DPP10: variants seen among roughly 807,000 people sequenced by gnomAD.
The protein encoded by DPP10 is dipeptidyl peptidase like 10.
A neutral mutation model predicts 120.9 loss-of-function variants in DPP10; 33 were observed. The ratio of observed to expected loss-of-function variants is 0.27; its 90% confidence interval spans 0.21 to 0.37. The LOEUF is 0.37. DPP10 is among the 10% of genes least tolerant of loss of function. The pLI, the probability that DPP10 is intolerant of heterozygous loss-of-function variation, is 1.00. For synonymous variants in DPP10, 337 were observed against 326.1 expected (o/e 1.03, Z -0.36); for missense variants, 816 against 942.8 (o/e 0.87, Z 1.76).
intron 1 of DPP10, among the ~76,000 whole-genome samples, chr2:114,767,288 T>C (rs1680816983): frequency 7.1e-6 from 1 of 140,832 alleles, no homozygotes; most frequent in East Asian, 2.0e-4. Context: ...AATAAAGATA[T>C]ATAATATATA....
At chr2:114,890,006 T>G (rs998429) in intron 1 of DPP10, among the ~76,000 whole-genome samples, 31,029 of 152,168 alleles carry the variant, frequency 0.2, 3,688 homozygotes, top group Middle Eastern at 0.33. Flanking sequence ...GTGTCGAAAT[T>G]TGTAGCAGTT....
intron 1 of DPP10, among the ~76,000 whole-genome samples, chr2:115,188,153 G>C (rs1229406511): frequency 4.6e-5 from 7 of 152,156 alleles, no homozygotes; most frequent in Admixed American, 2.6e-4. Flanking sequence ...ATCAAGGAAG[G>C]AGGAAGACTA....
chr2:115,828,579 AT>A (rs1187498996), intron 21 of DPP10, among the ~76,000 whole-genome samples: 1 of 151,906 alleles, frequency 6.6e-6, no homozygotes, highest in Non-Finnish European at 1.5e-5. Context: ...TGTATGTTCC[AT>A]TTCAGATAGT....
intron 1 of DPP10, among the ~76,000 whole-genome samples, chr2:114,722,547 C>T (rs186978192): frequency 0.017 from 2,532 of 151,920 alleles, 38 homozygotes; most frequent in Non-Finnish European, 0.025. Flanking sequence ...GAGGCCGAGG[C>T]GGGTGGATCA....
intron 3 of DPP10, among the ~76,000 whole-genome samples, chr2:115,419,605 A>T (rs2069751765): frequency 6.6e-6 from 1 of 152,156 alleles, no homozygotes; most frequent in Admixed American, 6.6e-5. Context: ...TGAGACTTGG[A>T]GGGGACAAAA....
chr2:115,317,637 T>C (rs374697830), intron 2 of DPP10, among the ~76,000 whole-genome samples: 10 of 152,086 alleles, frequency 6.6e-5, no homozygotes, highest in East Asian at 3.9e-4. Context: ...CTTTTCTTTT[T>C]TTTTTTTTTC....
At chr2:115,827,444 AT>A (rs1559209911) in intron 21 of DPP10, among the ~76,000 whole-genome samples, 21 of 141,330 alleles carry the variant, frequency 1.5e-4, no homozygotes, top group African/African-American at 5.3e-4. Context: ...ATATATATAT[AT>A]ATGCTCTACA....
chr2:114,521,658 A>C lies in DPP10; in HGVS notation c.60+78820A>C, dbSNP rs533874572. ...AAAAAAGGTCTATTGTGTTTTAGGA[A>C]AATTTTATGTGAAACATCTCCTGAT... On this transcript the variant is annotated intron_variant, in intron 1 of 25. Coordinates refer to ENST00000410059, the MANE Select transcript of DPP10 (RefSeq NM_020868.6). Among the ~76,000 whole-genome samples the C allele has an allele frequency of 2.7e-3, 406 of 152,298 alleles. 1 individual carries two copies. The highest frequency in any genetic ancestry group is 4.0e-3 in the Non-Finnish European group (274 of 68,016).
intron 3 of DPP10, among the ~76,000 whole-genome samples, chr2:115,428,481 G>A (rs1054126725): frequency 1.3e-5 from 2 of 152,140 alleles, no homozygotes; most frequent in Admixed American, 1.3e-4. Flanking sequence ...GCCTCAGGCA[G>A]CTTTTACTCA....
At chr2:114,800,062 T>G (rs1021304897) in intron 1 of DPP10, among the ~76,000 whole-genome samples, 16 of 152,176 alleles carry the variant, frequency 1.1e-4, no homozygotes, top group Admixed American at 7.2e-4. Context: ...TGTAGGTACT[T>G]TAGTTGTTTA....
At chr2:115,531,716 A>G (rs2078476515) in intron 5 of DPP10, among the ~76,000 whole-genome samples, 1 of 152,148 alleles carries the variant, frequency 6.6e-6, no homozygotes, top group African/African-American at 2.4e-5. Flanking sequence ...CTATGAAGAT[A>G]GCTTGAACTT....
chr2:115,802,379 C>A (rs888080599), intron 19 of DPP10, among the ~76,000 whole-genome samples: 2 of 152,210 alleles, frequency 1.3e-5, no homozygotes, highest in African/African-American at 4.8e-5. Flanking sequence ...TTCAAAAAAC[C>A]AGCTTCTGGA....
chr2:114,979,604 A>G (rs1172320110), intron 1 of DPP10, among the ~76,000 whole-genome samples: 1 of 152,092 alleles, frequency 6.6e-6, no homozygotes, highest in Non-Finnish European at 1.5e-5. Context: ...ATAATCTTAT[A>G]TTTTGAAAAC....
chr2:114,858,202 C>T (rs972272811), intron 1 of DPP10, among the ~76,000 whole-genome samples: 2 of 152,122 alleles, frequency 1.3e-5, no homozygotes, highest in Non-Finnish European at 2.9e-5. Flanking sequence ...GTTGCCCAGG[C>T]TGGTCTCGAA....
chr2:114,697,001 T>C (rs983596455), intron 1 of DPP10, among the ~76,000 whole-genome samples: 6 of 152,076 alleles, frequency 3.9e-5, no homozygotes, highest in African/African-American at 7.2e-5. Flanking sequence ...AATCCAGATG[T>C]CTGTCATATT....
At chr2:115,315,395 C>A (rs1001942764) in intron 2 of DPP10, among the ~76,000 whole-genome samples, 3 of 151,942 alleles carry the variant, frequency 2.0e-5, no homozygotes, top group Admixed American at 1.3e-4. Flanking sequence ...TGCAAAAACT[C>A]AAAGTGAATT....
chr2:115,011,309 G>A (rs916078229), intron 1 of DPP10, among the ~76,000 whole-genome samples: 18 of 152,234 alleles, frequency 1.2e-4, no homozygotes, highest in Admixed American at 3.3e-4. Flanking sequence ...TTATGTTGTC[G>A]TTTACCTCTT....
chr2:115,607,181 A>T (rs2083757124), intron 5 of DPP10, among the ~76,000 whole-genome samples: 1 of 152,228 alleles, frequency 6.6e-6, no homozygotes, highest in African/African-American at 2.4e-5. Context: ...AATAACTTGG[A>T]TACTGATGTC....
intron 1 of DPP10, among the ~76,000 whole-genome samples, chr2:114,907,866 T>C (rs1367038973): frequency 6.6e-6 from 1 of 152,114 alleles, no homozygotes; most frequent in Non-Finnish European, 1.5e-5. Context: ...CTTGCTGATC[T>C]TCTGTCTAGT....
Sources: allele counts gnomAD v4.1 joint callset (sites outside exome capture counted in the v4.1 genomes callset), GRCh38; gene constraint gnomAD v4.1.1; transcripts MANE v1.5; gene names NCBI Gene and HGNC (gene_info 2026-07-23, HGNC 2026-07-21).